Variants in TMEM74 observed in about 807,000 individuals in gnomAD.
TMEM74 encodes the protein transmembrane protein 74.
TMEM74 carries 13 observed loss-of-function variants against 18.1 expected under a neutral mutation model. That is an observed-to-expected ratio of 0.72 (90% confidence interval 0.47 to 1.14). The LOEUF is 1.14. Among genes scored for constraint, TMEM74 ranks in the 50% most tolerant of loss-of-function variants. The probability of loss-of-function intolerance (pLI) is 0.00; values close to 1 mark genes in which losing one functional copy is unlikely to be tolerated. For synonymous variants in TMEM74, 159 were observed against 146.6 expected (o/e 1.08, Z -0.61); for missense variants, 372 against 375.9 (o/e 0.99, Z 0.09).
intron 2 of TMEM74, among the ~76,000 whole-genome samples, chr8:108,642,955 CATTT>C (rs1812681307): frequency 6.6e-6 from 1 of 152,138 alleles, no homozygotes; most frequent in South Asian, 2.1e-4. Flanking sequence ...TTAACTCATT[CATTT>C]ATTGGTGTAC....
chr8:108,608,395 T>G (rs1227426550), intron 3 of TMEM74, among the ~76,000 whole-genome samples: 1 of 152,092 alleles, frequency 6.6e-6, no homozygotes, highest in African/African-American at 2.4e-5. Context: ...TGGATCTTAT[T>G]CCCACCTACT....
chr8:108,656,528 A>T (rs1359339501), intron 1 of TMEM74, among the ~76,000 whole-genome samples: 1 of 152,198 alleles, frequency 6.6e-6, no homozygotes. Context: ...ACTGAAGAAA[A>T]CTATCATTTC....
chr8:108,662,896 G>A (rs1442799648), intron 1 of TMEM74, among the ~76,000 whole-genome samples: 1 of 152,144 alleles, frequency 6.6e-6, no homozygotes, highest in East Asian at 1.9e-4. Flanking sequence ...GTTTACCACA[G>A]GTAGAACATG....
At chr8:108,678,094 C>G (rs1019439635) in intron 1 of TMEM74, among the ~76,000 whole-genome samples, 1 of 152,082 alleles carries the variant, frequency 6.6e-6, no homozygotes, top group Non-Finnish European at 1.5e-5. Flanking sequence ...ACAGTGTTGT[C>G]TATTTTCCTT....
chr8:108,671,550 T>A (rs979044241), intron 1 of TMEM74, among the ~76,000 whole-genome samples: 2 of 152,126 alleles, frequency 1.3e-5, no homozygotes, highest in African/African-American at 4.8e-5. Flanking sequence ...CTTAGCTGAG[T>A]TGGTTCTCCG....
At chr8:108,712,249 A>T (rs770478242) in intron 1 of TMEM74, among the ~76,000 whole-genome samples, 4 of 152,164 alleles carry the variant, frequency 2.6e-5, no homozygotes, top group Non-Finnish European at 5.9e-5. Context: ...ATCCAATGCC[A>T]ACTCTTTAGG....
At chr8:108,666,969 G>A (rs2130586187) in intron 1 of TMEM74, among the ~76,000 whole-genome samples, 1 of 152,208 alleles carries the variant, frequency 6.6e-6, no homozygotes, top group Non-Finnish European at 1.5e-5. Context: ...TCTTTAATGG[G>A]CTACTTACAT....
Position 108,718,251 on chromosome 8 carries a change from C to T in TMEM74, n.120-62814G>A, listed in dbSNP as rs1325671407. Among the ~76,000 whole-genome samples, 4 of 71,130 alleles carry T rather than the reference C, an allele frequency of 5.6e-5. 1 individual carries two copies. The highest frequency in any genetic ancestry group is 2.8e-4 in the Admixed American group (2 of 7,182). The allele number at this position is 71,130 out of a possible 152,430, so 46.7% of individuals were successfully genotyped here. On this transcript the variant is annotated intron_variant and non_coding_transcript_variant, in intron 1 of 3. Coordinates refer to the TMEM74 transcript ENST00000518838. Reference sequence around the variant, plus strand: ...GGGATTACAGGCGTGAGCCACCGCGCCCGGCCCTGACTTAGGTTTTAAAAG... The same window carrying T: ...GGGATTACAGGCGTGAGCCACCGCGTCCGGCCCTGACTTAGGTTTTAAAAG...
intron 1 of TMEM74, among the ~76,000 whole-genome samples, chr8:108,703,740 T>C (rs762229482): frequency 6.6e-6 from 1 of 152,218 alleles, no homozygotes; most frequent in Non-Finnish European, 1.5e-5. Context: ...CTGCGGTCAA[T>C]GGCAAGTAAA....
At chr8:108,665,146 G>A (rs1354908839) in intron 1 of TMEM74, among the ~76,000 whole-genome samples, 2 of 152,096 alleles carry the variant, frequency 1.3e-5, no homozygotes, top group African/African-American at 4.8e-5. Context: ...GCCAAGTTGA[G>A]AGGTTACAGC....
At chr8:108,663,417 T>A (rs567108169) in intron 1 of TMEM74, among the ~76,000 whole-genome samples, 61 of 152,200 alleles carry the variant, frequency 4.0e-4, no homozygotes, top group African/African-American at 1.3e-3. Context: ...TGAAACACCA[T>A]CTCATGCCAG....
chr8:108,652,056 C>G (rs2130572221), intron 2 of TMEM74, among the ~76,000 whole-genome samples: 1 of 151,972 alleles, frequency 6.6e-6, no homozygotes, highest in African/African-American at 2.4e-5. Context: ...CTTCTATGAA[C>G]AGTTGTTTTT....
intron 1 of TMEM74, among the ~76,000 whole-genome samples, chr8:108,726,822 A>C (rs889387631): frequency 6.6e-6 from 1 of 152,182 alleles, no homozygotes; most frequent in South Asian, 2.1e-4. Context: ...TAAAAAAAAA[A>C]TTCAAAAATA....
chr8:108,752,129 A>T (rs1813910412), intron 1 of TMEM74, among the ~76,000 whole-genome samples: 2 of 152,136 alleles, frequency 1.3e-5, no homozygotes, highest in Admixed American at 6.5e-5. Context: ...AATGATGAAA[A>T]GGATGAGACA....
chr8:108,621,471 G>A (rs909853859), intron 2 of TMEM74, among the ~76,000 whole-genome samples: 20 of 152,186 alleles, frequency 1.3e-4, no homozygotes, highest in Admixed American at 2.6e-4. Flanking sequence ...GAGAGGCCCA[G>A]GTGGGAAGTT....
intron 1 of TMEM74, among the ~76,000 whole-genome samples, chr8:108,675,916 G>C (rs1182849954): frequency 6.6e-6 from 1 of 152,116 alleles, no homozygotes. Context: ...TTAAGATAAT[G>C]AGATAATATT....
At position 108,783,778 on chromosome 8, in the gene TMEM74, T is replaced by C. The variant is rs1361876547; in HGVS notation, c.*403A>G. ...AGATGTAAGCCTTATTATTGATTAG[T>C]GCTTAGTTCTTTTTCACAAAGTAGA... On this transcript the variant is annotated 3_prime_UTR_variant, in exon 2 of 2. Coordinates refer to ENST00000297459, the MANE Select transcript of TMEM74 (RefSeq NM_153015.3). The C allele has an allele frequency of 6.5e-6, 1 of 154,152 alleles. No individual in the cohort carries two copies. The highest frequency in any genetic ancestry group is 1.4e-5 in the Non-Finnish European group (1 of 69,488). 9.5% of individuals were successfully genotyped at this position (154,152 alleles called of 1,614,324 possible). A position where few individuals can be genotyped will look rare whatever the true frequency, so the allele number is the denominator to read the frequency against.
At chr8:108,737,731 T>C (rs1813762620) in intron 1 of TMEM74, among the ~76,000 whole-genome samples, 1 of 152,260 alleles carries the variant, frequency 6.6e-6, no homozygotes, top group East Asian at 1.9e-4. Context: ...AGACATGATA[T>C]AATAAAAATT....
chr8:108,734,512 A>G (rs78052274), intron 1 of TMEM74, among the ~76,000 whole-genome samples: 351 of 152,216 alleles, frequency 2.3e-3, no homozygotes, highest in Middle Eastern at 3.4e-3. Flanking sequence ...CACTGTTCAA[A>G]ATACAAGTTA....
Sources: gnomAD v4.1 joint callset for allele counts (sites outside exome capture counted in the v4.1 genomes callset) on GRCh38, gnomAD v4.1.1 for gene constraint, MANE v1.5 for transcripts, NCBI Gene and HGNC (gene_info 2026-07-23, HGNC 2026-07-21) for gene names.